The following CD109 variants were observed in gnomAD, a reference collection of about 807,000 sequenced individuals.
CD109 encodes CD109 molecule.
A neutral mutation model predicts 165.8 loss-of-function variants in CD109; 149 were observed. That is an observed-to-expected ratio of 0.90 (90% confidence interval 0.79 to 1.03). CD109 has a LOEUF of 1.03. CD109 is among the 50% of genes least tolerant of loss of function. CD109 has a pLI of 0.00. For missense variants in CD109, 1,712 were observed against 1,677.8 expected (o/e 1.02, Z -0.36); for synonymous variants, 585 against 592.1 (o/e 0.99, Z 0.18).
chr6:73,693,707 T>C (rs1346489792), upstream of CD109, among the ~76,000 whole-genome samples: 6 of 151,966 alleles, frequency 3.9e-5, no homozygotes, highest in African/African-American at 1.5e-4. Flanking sequence ...TGTGCCACCA[T>C]GCTGGGCTAA....
chr6:73,680,843 G>A, the CD109 span, among the ~76,000 whole-genome samples: 2 of 152,136 alleles, frequency 1.3e-5, no homozygotes, highest in Non-Finnish European at 2.9e-5. Context: ...CCTGGGTTCT[G>A]GGCAGGACAA....
At chr6:73,812,032 C>A (rs1218424641) in intron 28 of CD109, among the ~76,000 whole-genome samples, 173 bp from the exon 29 acceptor site, 1 of 152,158 alleles carries the variant, frequency 6.6e-6, no homozygotes, top group Non-Finnish European at 1.5e-5. Flanking sequence ...CCTTTCATCA[C>A]CTTGCTTACC....
At chr6:73,767,517 C>A (rs1363234869) in intron 13 of CD109, among the ~76,000 whole-genome samples, 1 of 152,120 alleles carries the variant, frequency 6.6e-6, no homozygotes. Context: ...CTACACTAAA[C>A]TTATTAATTT....
chr6:73,697,466 G>A lies in CD109; in HGVS notation c.141G>A (p.Glu47=), dbSNP rs1372468494. ...GAGGAAATGTGACTATTGGGGTGGA[G>A]CTTCTGGAACACTGCCCTTCACAGG... The part of the protein sequence containing the change: ...RPGGNVTIGV[E]LLEHCPSQVT... The change falls in exon 2 of 33, where the codon GAG becomes GAA. Residue 47 remains glutamate, a synonymous_variant. Coordinates refer to ENST00000287097, the MANE Select transcript of CD109 (RefSeq NM_133493.5). 6.2e-7 allele frequency: 1 copy of A among 1,614,178 alleles called. No individual in the cohort carries two copies. The highest frequency in any genetic ancestry group is 8.5e-7 in the Non-Finnish European group (1 of 1,180,032).
chr6:73,761,053 ACACAC>A (rs1773608651), intron 7 of CD109, among the ~76,000 whole-genome samples: 1 of 151,598 alleles, frequency 6.6e-6, no homozygotes, highest in Non-Finnish European at 1.5e-5. Context: ...ACACACACAC[ACACAC>A]ACACACACAC....
chr6:73,686,096 G>A, the CD109 span, among the ~76,000 whole-genome samples: 1 of 152,190 alleles, frequency 6.6e-6, no homozygotes, highest in East Asian at 1.9e-4. Flanking sequence ...GTAGGCTTGG[G>A]AAAGGGGTAA....
intron 5 of CD109, among the ~76,000 whole-genome samples, chr6:73,738,471 G>A (rs546925590): frequency 6.6e-5 from 10 of 152,276 alleles, no homozygotes; most frequent in Admixed American, 2.0e-4. Context: ...GATAACAGGC[G>A]CTGAGGGATT....
At chr6:73,781,770 C>G (rs1413378204) in intron 17 of CD109, among the ~76,000 whole-genome samples, 1 of 139,702 alleles carries the variant, frequency 7.2e-6, no homozygotes, top group East Asian at 2.2e-4. Context: ...CACACACACA[C>G]AGACACAGAC....
intron 24 of CD109, among the ~76,000 whole-genome samples, chr6:73,806,502 A>T (rs1307048561): frequency 1.3e-5 from 2 of 152,272 alleles, no homozygotes; most frequent in East Asian, 3.9e-4. Context: ...CCTAGAACTT[A>T]AAGTATAATA....
chr6:73,811,013 G>A lies in CD109; in HGVS notation c.3568G>A (p.Ala1190Thr). ...ACAGGATACCACTGTGGCTTTAAAG[G>A]CTCTGTCTGAATTTGCAGCCCTAAT... ...STQDTTVALK[A>T]LSEFAALMNT... The change falls in exon 28 of 33, where the codon GCT becomes ACT. Residue 1190 changes from alanine (A) to threonine (T), a missense_variant. Coordinates refer to ENST00000287097, the MANE Select transcript of CD109 (RefSeq NM_133493.5). 6.2e-7 allele frequency: 1 copy of A among 1,613,000 alleles called. No homozygotes were observed. Among genetic ancestry groups the A allele is most frequent in the South Asian group, 1.1e-5 (1 of 90,988 alleles).
In CD109 at chr6:73,807,069, T is replaced by G; in HGVS notation, c.3186T>G (p.Tyr1062Ter). 6.2e-7 allele frequency: 1 copy of G among 1,605,934 alleles called. No individual in the cohort carries two copies. The highest frequency in any genetic ancestry group is 8.5e-7 in the Non-Finnish European group (1 of 1,172,916). Residue 1062 changes from tyrosine to a stop codon, truncating the protein, a stop_gained, in exon 25 of 33, where the codon TAT (tyrosine) becomes TAG (stop). Coordinates refer to ENST00000287097, the MANE Select transcript of CD109 (RefSeq NM_133493.5). LOFTEE classifies it high-confidence loss of function. ...CTTCTCTCCTGGGATATAGAAAGTATCAGGTATTTCGTATTTAATTTAATA... is the reference window on the plus strand; with the variant it reads ...CTTCTCTCCTGGGATATAGAAAGTAGCAGGTATTTCGTATTTAATTTAATA... ...IVTSLLGYRK[Y>*]QPNIDVQESI...
intron 2 of CD109, among the ~76,000 whole-genome samples, chr6:73,720,018 G>A (rs1458242984): frequency 6.6e-6 from 1 of 152,130 alleles, no homozygotes; most frequent in Non-Finnish European, 1.5e-5. Flanking sequence ...TATGAAATCA[G>A]TATGTTGAAG....
chr6:73,823,579 A>C lies in CD109; in HGVS notation c.4284A>C (p.Ser1428=), dbSNP rs1187890151. 4 of 1,613,658 alleles carry C rather than the reference A, an allele frequency of 2.5e-6. No homozygotes were observed. The highest frequency in any genetic ancestry group is 1.7e-5 in the Admixed American group (1 of 59,996). Residue 1428 remains serine (S), a synonymous_variant, in exon 33 of 33, where the codon TCA becomes TCC. Coordinates refer to ENST00000287097, the MANE Select transcript of CD109 (RefSeq NM_133493.5). ...DGASGSHHHS[S]VIFIFCFKLL... is the part of the protein sequence containing the mutation. Reference sequence around the variant, plus strand: ...CTTCAGGCTCCCATCATCACTCTTCAGTCATTTTTATTTTCTGTTTCAAGC... The same window carrying C: ...CTTCAGGCTCCCATCATCACTCTTCCGTCATTTTTATTTTCTGTTTCAAGC...
intron 25 of CD109, 56 bp from the exon 26 acceptor site, chr6:73,808,027 A>G (rs1775629860): frequency 1.3e-6 from 2 of 1,494,656 alleles, no homozygotes; most frequent in African/African-American, 1.4e-5. Context: ...TTTTTGTTTC[A>G]GTATGTGGTA....
At position 73,788,583 on chromosome 6, in the gene CD109, G is replaced by A. The variant is rs1774789235; in HGVS notation, c.2672G>A (p.Gly891Asp). The change falls in exon 22 of 33, where the codon GGC (glycine) becomes GAC (aspartate). Residue 891 changes from glycine (G) to aspartate (D), a missense_variant. Transcript: ENST00000287097. ...TCATTTCCTCCTAATACAGTGACTG[G>A]CAGTGAAAGAGTTCAGATCACTGCA... ...SFSFPPNTVT[G>D]SERVQITAIG... is the part of the protein sequence containing the mutation. The A allele has an allele frequency of 6.2e-7, 1 of 1,613,214 alleles. No homozygotes were observed. The highest frequency in any genetic ancestry group is 2.2e-5 in the East Asian group (1 of 44,820).
chr6:73,708,722 T>C (rs1181327240), intron 2 of CD109, among the ~76,000 whole-genome samples: 1 of 152,228 alleles, frequency 6.6e-6, no homozygotes, highest in Non-Finnish European at 1.5e-5. Context: ...CTCATTGTGG[T>C]TTTGATTTGC....
In CD109 at chr6:73,809,994, A is replaced by G. The variant is rs758587312; in HGVS notation, c.3366A>G (p.Gln1122=). 4.4e-6 allele frequency: 7 copies of G among 1,589,356 alleles called. No homozygotes were observed. In the South Asian group the frequency reaches 6.9e-5, roughly 16 times the overall value. Reference sequence around the variant, plus strand: ...ACTTTTCTCTTGCAGGTGGCATGCAATTCTGGGTGTCATCAGAGTCCAAAC... The same window carrying G: ...ACTTTTCTCTTGCAGGTGGCATGCAGTTCTGGGTGTCATCAGAGTCCAAAC... ...TWRAEQEGGM[Q]FWVSSESKLS... is the part of the protein sequence containing the mutation. Residue 1122 remains glutamine, a synonymous_variant, in exon 27 of 33, where the codon CAA becomes CAG. Coordinates refer to ENST00000287097, the MANE Select transcript of CD109 (RefSeq NM_133493.5).
At chr6:73,702,899 A>G (rs2150147424) in intron 2 of CD109, among the ~76,000 whole-genome samples, 1 of 152,366 alleles carries the variant, frequency 6.6e-6, no homozygotes, top group East Asian at 1.9e-4. Flanking sequence ...GCAATTATTA[A>G]TCACCTATTG....
At position 73,768,057 on chromosome 6, in the gene CD109, A is replaced by G. The variant is rs1427878579; in HGVS notation, c.1500A>G (p.Val500=). The change falls in exon 14 of 33, where the codon GTA becomes GTG. Residue 500 remains valine, a splice_region_variant and synonymous_variant. Transcript: ENST00000287097. Reference sequence around the variant, plus strand: ...AACCCATCTACTGTTCTTTTCAGGTAGTATCCAGGGGACAGTTGGTGGCTG... The same window carrying G: ...AACCCATCTACTGTTCTTTTCAGGTGGTATCCAGGGGACAGTTGGTGGCTG... ...NKRLKELSYM[V]VSRGQLVAVG... The G allele has an allele frequency of 4.3e-6, 7 of 1,611,688 alleles. No homozygotes were observed. Among genetic ancestry groups the G allele is most frequent in the South Asian group, 1.1e-5 (1 of 90,652 alleles).
Sources: allele counts gnomAD v4.1 joint callset (sites outside exome capture counted in the v4.1 genomes callset), GRCh38; gene constraint gnomAD v4.1.1; transcripts MANE v1.5; gene names NCBI Gene and HGNC (gene_info 2026-07-23, HGNC 2026-07-21).